The following RBPMS2 variants were observed in gnomAD, a reference collection of about 807,000 sequenced individuals.
RBPMS2 encodes the protein RNA-binding protein with multiple splicing 2.
Under a neutral mutation model 25.7 loss-of-function variants are expected in RBPMS2, and 14 were observed. That is an observed-to-expected ratio of 0.55 (90% CI 0.36 to 0.85). The LOEUF (loss-of-function observed/expected upper bound fraction) is 0.85, where lower values mean the gene tolerates loss of function less well. Among genes scored for constraint, RBPMS2 ranks in the 40% least tolerant of loss-of-function variants. RBPMS2 has a pLI of 0.01. For synonymous variants in RBPMS2, 127 were observed against 115.6 expected, an observed-to-expected ratio of 1.10 and a Z score of -0.63; for missense variants, 252 against 283.4, an observed-to-expected ratio of 0.89 and a Z score of 0.80.
intron 6 of RBPMS2, among the ~76,000 whole-genome samples, chr15:64,744,772 A>C (rs1449941503): frequency 1.5e-5 from 2 of 131,266 alleles, no homozygotes; most frequent in Non-Finnish European, 3.3e-5. Context: ...TTAAGTCCTA[A>C]TATTTAAGTT....
intron 1 of RBPMS2, among the ~76,000 whole-genome samples, chr15:64,751,883 C>A (rs1367304448): frequency 6.6e-6 from 1 of 152,060 alleles, no homozygotes; most frequent in African/African-American, 2.4e-5. Flanking sequence ...CCTCTGCACA[C>A]AGACTGAGTC....
intron 1 of RBPMS2, among the ~76,000 whole-genome samples, chr15:64,774,602 G>T (rs1285777814): frequency 7.0e-6 from 1 of 141,984 alleles, no homozygotes; most frequent in Non-Finnish European, 1.6e-5. Flanking sequence ...GAGAGGAGAA[G>T]GACGAACTGA....
chr15:64,750,539 C>G (rs1026918444), intron 2 of RBPMS2, among the ~76,000 whole-genome samples, 158 bp from the exon 3 acceptor site: 4 of 152,230 alleles, frequency 2.6e-5, no homozygotes. Context: ...TGCCAAACGT[C>G]CACCGCCCTG....
chr15:64,743,125 G>A (rs946930778), intron 6 of RBPMS2, among the ~76,000 whole-genome samples: 1 of 152,246 alleles, frequency 6.6e-6, no homozygotes, highest in African/African-American at 2.4e-5. Context: ...GTAGCCTCCG[G>A]CAGCCCCACA....
At position 64,740,303 on chromosome 15, in the gene RBPMS2, T is replaced by TC. The variant is rs1237234595; in HGVS notation, c.*704_*705insG. The TC allele has an allele frequency of 2.0e-5, 3 of 152,218 alleles. No homozygotes were observed. The highest frequency in any genetic ancestry group is 4.4e-5 in the Non-Finnish European group (3 of 68,040). 9.4% of individuals were successfully genotyped at this position (152,218 alleles called of 1,614,324 possible). ...GGTTGGTTTCGAGGTTTGGAAAGAA[T>TC]GAGGAGCAGCGGCGGGCGGGGTGCG... On this transcript the variant is annotated 3_prime_UTR_variant, in exon 8 of 8. Transcript: ENST00000300069.
intron 1 of RBPMS2, among the ~76,000 whole-genome samples, chr15:64,759,029 G>A (rs1008371032): frequency 3.3e-5 from 5 of 152,120 alleles, no homozygotes; most frequent in African/African-American, 1.2e-4. Flanking sequence ...GGGCTCAAGT[G>A]ATCTTCCTGC....
In RBPMS2 at chr15:64,740,300, G is replaced by C. The variant is rs2083547536; in HGVS notation, c.*708C>G. On this transcript the variant is annotated 3_prime_UTR_variant, in exon 8 of 8. Transcript: ENST00000300069. ...TTTGGTTGGTTTCGAGGTTTGGAAA[G>C]AATGAGGAGCAGCGGCGGGCGGGGT... The C allele has an allele frequency of 6.6e-6, 1 of 152,384 alleles. No individual in the cohort carries two copies. Among genetic ancestry groups the C allele is most frequent in the Non-Finnish European group, 1.5e-5 (1 of 68,082 alleles). The allele number at this position is 152,384 out of a possible 1,614,324, so 9.4% of individuals were successfully genotyped here. A position where few individuals can be genotyped will look rare whatever the true frequency, so the allele number is the denominator to read the frequency against.
At chr15:64,750,252 C>T (rs774852144) in intron 3 of RBPMS2, 91 bp downstream of exon 3, 1 of 1,107,244 alleles carries the variant, frequency 9.0e-7, no homozygotes, top group Non-Finnish European at 1.4e-6. Flanking sequence ...CCGCCAGATG[C>T]CTCTAGATTA....
intron 1 of RBPMS2, among the ~76,000 whole-genome samples, chr15:64,754,256 G>A (rs1369229847): frequency 1.3e-5 from 2 of 152,126 alleles, no homozygotes; most frequent in Non-Finnish European, 2.9e-5. Context: ...AGGTTGTGGT[G>A]AGCCAAGATC....
chr15:64,770,312 C>A (rs1458171660), intron 1 of RBPMS2, among the ~76,000 whole-genome samples: 1 of 152,210 alleles, frequency 6.6e-6, no homozygotes, highest in Non-Finnish European at 1.5e-5. Flanking sequence ...CAAATCCCAA[C>A]CTCCCCACTT....
chr15:64,757,986 A>T (rs1005705770), intron 1 of RBPMS2, among the ~76,000 whole-genome samples: 3 of 152,188 alleles, frequency 2.0e-5, no homozygotes, highest in Admixed American at 1.3e-4. Context: ...CCTCTAAAAA[A>T]CAAAAATAAA....
chr15:64,770,208 G>A (rs2083883291), intron 1 of RBPMS2, among the ~76,000 whole-genome samples: 1 of 151,874 alleles, frequency 6.6e-6, no homozygotes, highest in African/African-American at 2.4e-5. Context: ...GAAAATTGCA[G>A]ATACCTTTCT....
chr15:64,769,516 C>T (rs915333132), intron 1 of RBPMS2, among the ~76,000 whole-genome samples: 1 of 151,468 alleles, frequency 6.6e-6, no homozygotes, highest in Non-Finnish European at 1.5e-5. Context: ...AAAAATTAGC[C>T]GGGCGTAGCA....
chr15:64,759,808 G>A (rs1422067702), intron 1 of RBPMS2, among the ~76,000 whole-genome samples: 1 of 152,158 alleles, frequency 6.6e-6, no homozygotes, highest in Non-Finnish European at 1.5e-5. Context: ...GAGTAGCTAT[G>A]ACTACAGGAG....
intron 1 of RBPMS2, among the ~76,000 whole-genome samples, chr15:64,771,294 T>C (rs2083891279): frequency 3.3e-5 from 5 of 152,232 alleles, no homozygotes; most frequent in Admixed American, 2.6e-4. Context: ...TACCGTTTAG[T>C]TGTCCCTCGA....
chr15:64,770,778 T>A (rs1165473566), intron 1 of RBPMS2, among the ~76,000 whole-genome samples: 3 of 150,866 alleles, frequency 2.0e-5, no homozygotes, highest in Non-Finnish European at 4.4e-5. Flanking sequence ...ATCCCCCACC[T>A]CCCACACCCC....
chr15:64,743,252 G>A (rs2141053300), intron 6 of RBPMS2, among the ~76,000 whole-genome samples: 1 of 152,372 alleles, frequency 6.6e-6, no homozygotes, highest in Non-Finnish European at 1.5e-5. Context: ...CCACTGGGAA[G>A]CTAAGGCCTT....
intron 2 of RBPMS2, 58 bp downstream of exon 2, chr15:64,751,498 TCACTC>T: frequency 7.0e-7 from 1 of 1,429,774 alleles, no homozygotes; most frequent in Non-Finnish European, 9.9e-7. Flanking sequence ...GACCCGAGAT[TCACTC>T]CCGCTGCTTC....
chr15:64,774,243 G>A (rs1045975594), intron 1 of RBPMS2, among the ~76,000 whole-genome samples: 3 of 152,226 alleles, frequency 2.0e-5, no homozygotes, highest in African/African-American at 7.2e-5. Flanking sequence ...TTTCCTGGGC[G>A]AGAACATGCC....
Sources: gnomAD v4.1 joint callset for allele counts (sites outside exome capture counted in the v4.1 genomes callset) on GRCh38, gnomAD v4.1.1 for gene constraint, MANE v1.5 for transcripts, NCBI Gene and HGNC (gene_info 2026-07-23, HGNC 2026-07-21) for gene names.